The following FARS2 variants were observed in gnomAD, a reference collection of about 807,000 sequenced individuals.
FARS2 encodes phenylalanine--tRNA ligase, mitochondrial.
FARS2 carries 40 observed loss-of-function variants against 46.4 expected under a neutral mutation model. That is an observed-to-expected ratio of 0.86 (90% CI 0.67 to 1.12). The LOEUF (loss-of-function observed/expected upper bound fraction) is 1.12. Among genes scored for constraint, FARS2 ranks in the 50% most tolerant of loss-of-function variants. FARS2 has a pLI of 0.00. For missense variants in FARS2, 513 were observed against 567.9 expected, an observed-to-expected ratio of 0.90 and a Z score of 0.98; for synonymous variants, 234 against 214.9, an observed-to-expected ratio of 1.09 and a Z score of -0.78.
intron 2 of FARS2, among the ~76,000 whole-genome samples, chr6:5,382,427 C>T (rs570273293): frequency 6.6e-6 from 1 of 152,308 alleles, no homozygotes; most frequent in East Asian, 1.9e-4. Flanking sequence ...GTATCCCTCT[C>T]CTTTGGTAAT....
chr6:5,447,206 A>T (rs148744724), intron 4 of FARS2, among the ~76,000 whole-genome samples: 52 of 152,304 alleles, frequency 3.4e-4, no homozygotes, highest in Non-Finnish European at 6.8e-4. Flanking sequence ...GCGCTAAATG[A>T]TGAGGGCAGG....
chr6:5,681,568 A>G (rs773045693), intron 6 of FARS2, among the ~76,000 whole-genome samples: 37 of 152,350 alleles, frequency 2.4e-4, no homozygotes, highest in Non-Finnish European at 4.3e-4. Context: ...AAACGGAAAA[A>G]GAAGAAAATC....
At chr6:5,756,094 T>C (rs1274332891) in intron 6 of FARS2, among the ~76,000 whole-genome samples, 2 of 152,228 alleles carry the variant, frequency 1.3e-5, no homozygotes, top group Non-Finnish European at 2.9e-5. Flanking sequence ...CAGTTCCAAC[T>C]TCTTGGTTCA....
At chr6:5,702,781 T>G (rs1216304739) in intron 6 of FARS2, among the ~76,000 whole-genome samples, 2 of 152,214 alleles carry the variant, frequency 1.3e-5, no homozygotes, top group Admixed American at 6.5e-5. Context: ...TTTATTTTGG[T>G]TTTCCTTTCC....
chr6:5,432,293 C>T (rs540483400), intron 4 of FARS2, among the ~76,000 whole-genome samples: 176 of 122,206 alleles, frequency 1.4e-3, no homozygotes, highest in African/African-American at 4.8e-3. Flanking sequence ...CCAGCCTGGG[C>T]GAAAGAGCAA....
At chr6:5,500,850 G>T (rs971060585) in intron 4 of FARS2, among the ~76,000 whole-genome samples, 1 of 152,058 alleles carries the variant, frequency 6.6e-6, no homozygotes, top group Admixed American at 6.5e-5. Context: ...ATTTAGGACA[G>T]CCACTTGAAG....
intron 6 of FARS2, among the ~76,000 whole-genome samples, chr6:5,631,900 T>C (rs891022217): frequency 6.6e-6 from 1 of 152,228 alleles, no homozygotes. Flanking sequence ...TACACTCAAC[T>C]GTTCTGACAC....
At chr6:5,669,383 C>G (rs561843240) in intron 6 of FARS2, among the ~76,000 whole-genome samples, 13 of 152,044 alleles carry the variant, frequency 8.6e-5, no homozygotes, top group South Asian at 6.3e-4. Flanking sequence ...CCCCCCACCC[C>G]CCCGCTGCCT....
chr6:5,260,629 C>T, upstream of FARS2: 1 of 1,532,670 alleles, frequency 6.5e-7, no homozygotes, highest in Non-Finnish European at 8.7e-7. Flanking sequence ...CCCCCGGCCC[C>T]CGGTGCCCGC....
At chr6:5,252,642 C>T in the FARS2 span, among the ~76,000 whole-genome samples, 1 of 152,106 alleles carries the variant, frequency 6.6e-6, no homozygotes, top group Non-Finnish European at 1.5e-5. Context: ...TAGCTGTATC[C>T]TAATTTTCCA....
chr6:5,603,127 A>G (rs7769150), intron 5 of FARS2, among the ~76,000 whole-genome samples: 42,137 of 151,848 alleles, frequency 0.28, 6,562 homozygotes, highest in African/African-American at 0.42. Flanking sequence ...ACAGGGTCTC[A>G]CTCTGTTACC....
intron 5 of FARS2, among the ~76,000 whole-genome samples, chr6:5,582,860 T>A (rs1410602997): frequency 6.6e-6 from 1 of 152,244 alleles, no homozygotes; most frequent in Non-Finnish European, 1.5e-5. Flanking sequence ...GCAACAGTGT[T>A]CAACTTGCAG....
intron 6 of FARS2, among the ~76,000 whole-genome samples, chr6:5,697,766 T>C (rs1183802196): frequency 6.6e-6 from 1 of 152,210 alleles, no homozygotes; most frequent in Non-Finnish European, 1.5e-5. Flanking sequence ...AAATATCTCA[T>C]TTCAGGGTAA....
chr6:5,711,348 C>T (rs528421579), intron 6 of FARS2, among the ~76,000 whole-genome samples: 1 of 152,122 alleles, frequency 6.6e-6, no homozygotes, highest in Admixed American at 6.5e-5. Flanking sequence ...CACAGGAATT[C>T]CAAGTAATTC....
chr6:5,503,407 G>C (rs2472868), intron 4 of FARS2, among the ~76,000 whole-genome samples: 825 of 22,626 alleles, frequency 0.036, 7 homozygotes, highest in East Asian at 0.24. Flanking sequence ...CACACACACA[G>C]AGAGAGAGAG....
intron 6 of FARS2, among the ~76,000 whole-genome samples, chr6:5,684,802 C>A (rs1267747677): frequency 6.6e-6 from 1 of 152,052 alleles, no homozygotes; most frequent in Non-Finnish European, 1.5e-5. Context: ...CTAACAGGAG[C>A]CGAATTCTAT....
chr6:5,716,084 G>T (rs1201970506), intron 6 of FARS2, among the ~76,000 whole-genome samples: 1 of 152,058 alleles, frequency 6.6e-6, no homozygotes, highest in Non-Finnish European at 1.5e-5. Flanking sequence ...AGTTTTTCAT[G>T]TGCTTATTTT....
intron 4 of FARS2, among the ~76,000 whole-genome samples, chr6:5,523,164 T>G (rs1769248404): frequency 6.6e-6 from 1 of 152,212 alleles, no homozygotes; most frequent in Admixed American, 6.5e-5. Flanking sequence ...CAAGGGATCT[T>G]GTAACTTTCC....
intron 2 of FARS2, among the ~76,000 whole-genome samples, chr6:5,394,077 T>A (rs1414319516): frequency 1.3e-5 from 2 of 152,210 alleles, no homozygotes; most frequent in Non-Finnish European, 2.9e-5. Flanking sequence ...GGTAACTACA[T>A]AATGACATTA....
Sources: gnomAD v4.1 joint callset for allele counts (sites outside exome capture counted in the v4.1 genomes callset) on GRCh38, gnomAD v4.1.1 for gene constraint, MANE v1.5 for transcripts, NCBI Gene and HGNC (gene_info 2026-07-23, HGNC 2026-07-21) for gene names.